Variants in CLMP observed in about 807,000 individuals in gnomAD.
The protein encoded by CLMP is CXADR-like membrane protein.
Under a neutral mutation model 45.2 loss-of-function variants are expected in CLMP, and 27 were observed. The observed-to-expected ratio is 0.60, with a 90% confidence interval of 0.44 to 0.82. The LOEUF (loss-of-function observed/expected upper bound fraction) is 0.82. Among genes scored for constraint, CLMP ranks in the 40% least tolerant of loss-of-function variants. The pLI, the probability that CLMP is intolerant of heterozygous loss-of-function variation, is 0.00. For missense variants in CLMP, 403 were observed against 448.4 expected (o/e 0.90, Z 0.91); for synonymous variants, 167 against 171.4 (o/e 0.97, Z 0.20).
At chr11:123,155,903 G>A (rs1265013212) in intron 1 of CLMP, among the ~76,000 whole-genome samples, 1 of 152,162 alleles carries the variant, frequency 6.6e-6, no homozygotes, top group Non-Finnish European at 1.5e-5. Flanking sequence ...AGCAGCCCAA[G>A]GGGAGGCCCA....
At chr11:123,121,322 G>T (rs1393348750) in intron 1 of CLMP, among the ~76,000 whole-genome samples, 1 of 151,842 alleles carries the variant, frequency 6.6e-6, no homozygotes, top group African/African-American at 2.4e-5. Flanking sequence ...TTTTGAGATG[G>T]TGTCTCGTTC....
At chr11:123,092,219 G>T (rs1282607470) in intron 2 of CLMP, among the ~76,000 whole-genome samples, 1 of 151,860 alleles carries the variant, frequency 6.6e-6, no homozygotes, top group African/African-American at 2.4e-5. Context: ...GTACGTTCAG[G>T]TAGGTCTGAC....
At chr11:123,085,810 C>A (rs1432611381) in intron 2 of CLMP, among the ~76,000 whole-genome samples, 2 of 144,604 alleles carry the variant, frequency 1.4e-5, no homozygotes, top group South Asian at 4.3e-4. Context: ...GAGTCTCACT[C>A]TTGTCGCCCG....
intron 1 of CLMP, among the ~76,000 whole-genome samples, chr11:123,151,547 GCTGTA>G (rs1298412779): frequency 6.6e-6 from 1 of 152,202 alleles, no homozygotes; most frequent in African/African-American, 2.4e-5. Flanking sequence ...TGAATACAAT[GCTGTA>G]CTGCCACTTT....
At chr11:123,175,170 C>T (rs1466963401) in intron 1 of CLMP, among the ~76,000 whole-genome samples, 3 of 152,120 alleles carry the variant, frequency 2.0e-5, no homozygotes, top group Admixed American at 2.0e-4. Flanking sequence ...CATTTTCACA[C>T]TGCTATAAAG....
At chr11:123,194,167 C>T (rs766402763) in intron 1 of CLMP, among the ~76,000 whole-genome samples, 59 of 152,034 alleles carry the variant, frequency 3.9e-4, no homozygotes, top group Admixed American at 9.2e-4. Context: ...TGGGGGACCC[C>T]AGGAAGGGAC....
chr11:123,074,749 C>T lies in CLMP; in HGVS notation c.774G>A (p.Arg258=), dbSNP rs755718608. ...IFLLVWLLIR[R]KDKERYEEEE... is the part of the protein sequence containing the mutation. ...CTTCCTCATATCTTTCTTTGTCTTTCCTTCGGATTAGCAGCCACACCAAGA... is the reference window on the plus strand; with the variant it reads ...CTTCCTCATATCTTTCTTTGTCTTTTCTTCGGATTAGCAGCCACACCAAGA... Residue 258 remains arginine (R), a synonymous_variant, in exon 6 of 7, where the codon AGG becomes AGA. Transcript: ENST00000448775. 3 of 1,614,036 alleles carry T rather than the reference C, an allele frequency of 1.9e-6. No homozygotes were observed. The highest frequency in any genetic ancestry group is 2.7e-5 in the African/African-American group (2 of 74,918).
At chr11:123,097,450 G>T (rs1218258039) in intron 2 of CLMP, among the ~76,000 whole-genome samples, 2 of 151,922 alleles carry the variant, frequency 1.3e-5, no homozygotes, top group East Asian at 3.9e-4. Context: ...CAATTCTCCT[G>T]CCTCAGCCTC....
intron 1 of CLMP, among the ~76,000 whole-genome samples, chr11:123,187,238 G>A (rs1335541716): frequency 6.6e-6 from 1 of 152,108 alleles, no homozygotes; most frequent in African/African-American, 2.4e-5. Context: ...GGAGCCCAGG[G>A]GCCAATTCTT....
At chr11:123,096,791 T>G (rs2135479666) in intron 2 of CLMP, among the ~76,000 whole-genome samples, 1 of 152,234 alleles carries the variant, frequency 6.6e-6, no homozygotes, top group East Asian at 1.9e-4. Flanking sequence ...GGACAACTTT[T>G]TTCTTTCTTT....
rs562390804 is a variant in CLMP at position 123,152,032 on chromosome 11, G to A, written c.28+42881C>T. The stretch of plus-strand genomic sequence containing the variant: ...TAGCACAGTTCTGATTGCAGCCCTC[G>A]AATCTGCTGGTAAAGCAATTTAAAC... On this transcript the variant is annotated intron_variant, in intron 1 of 6. Transcript: ENST00000448775. Among the ~76,000 whole-genome samples the A allele has an allele frequency of 2.2e-4, 33 of 152,106 alleles. No homozygotes were observed. The South Asian group carries it at 4.6e-3, about 21-fold the overall frequency.
chr11:123,175,028 G>C (rs901189180), intron 1 of CLMP, among the ~76,000 whole-genome samples: 1 of 152,106 alleles, frequency 6.6e-6, no homozygotes, highest in Admixed American at 6.5e-5. Context: ...ATCACGGTTT[G>C]GTGCAGCCTT....
intron 1 of CLMP, among the ~76,000 whole-genome samples, chr11:123,107,198 C>T (rs1362553890): frequency 6.7e-6 from 1 of 148,862 alleles, no homozygotes; most frequent in Non-Finnish European, 1.5e-5. Context: ...GTAGCTGGGA[C>T]TATAGGCTTT....
At chr11:123,102,873 T>G (rs1005357788) in intron 1 of CLMP, among the ~76,000 whole-genome samples, 1 of 152,030 alleles carries the variant, frequency 6.6e-6, no homozygotes, top group Non-Finnish European at 1.5e-5. Flanking sequence ...TGCCCAATTT[T>G]ATGTGGCTTC....
chr11:123,186,081 G>A (rs910190638), intron 1 of CLMP, among the ~76,000 whole-genome samples: 2 of 152,164 alleles, frequency 1.3e-5, no homozygotes, highest in African/African-American at 4.8e-5. Context: ...CAGTGCTGAA[G>A]AGGGCAAACT....
intron 1 of CLMP, among the ~76,000 whole-genome samples, chr11:123,139,866 AT>A (rs1224567617): frequency 6.6e-6 from 1 of 152,054 alleles, no homozygotes; most frequent in African/African-American, 2.4e-5. Flanking sequence ...AAAATAAAAA[AT>A]ATAAAATAAA....
At chr11:123,140,299 T>C (rs1861136039) in intron 1 of CLMP, among the ~76,000 whole-genome samples, 1 of 152,140 alleles carries the variant, frequency 6.6e-6, no homozygotes, top group African/African-American at 2.4e-5. Flanking sequence ...TCTTTGGTTG[T>C]ATAGTAGGGG....
At chr11:123,132,748 T>A (rs2135509962) in intron 1 of CLMP, among the ~76,000 whole-genome samples, 1 of 151,964 alleles carries the variant, frequency 6.6e-6, no homozygotes, top group South Asian at 2.1e-4. Flanking sequence ...TGTGAGACAC[T>A]GTGCCTGGCC....
At chr11:123,088,157 G>A (rs926816625) in intron 2 of CLMP, among the ~76,000 whole-genome samples, 14 of 152,052 alleles carry the variant, frequency 9.2e-5, no homozygotes, top group African/African-American at 2.4e-4. Flanking sequence ...TGATCTGCCC[G>A]CCTCGGCCTC....
Sources: gnomAD v4.1 joint callset for allele counts (sites outside exome capture counted in the v4.1 genomes callset) on GRCh38, gnomAD v4.1.1 for gene constraint, MANE v1.5 for transcripts, NCBI Gene and HGNC (gene_info 2026-07-23, HGNC 2026-07-21) for gene names.